Variants in HEXB observed in about 807,000 individuals in gnomAD.
HEXB encodes beta-hexosaminidase subunit beta.
In HEXB, 51 loss-of-function variants were observed where a neutral mutation model predicts 71.2. The ratio of observed to expected loss-of-function variants is 0.72; its 90% confidence interval spans 0.57 to 0.90. The LOEUF is 0.90. Among genes scored for constraint, HEXB ranks in the 40% least tolerant of loss-of-function variants. The pLI, the probability that HEXB is intolerant of heterozygous loss-of-function variation, is 0.00. For synonymous variants in HEXB, 266 were observed against 249.3 expected (o/e 1.07, Z -0.63); for missense variants, 617 against 677.0 (o/e 0.91, Z 0.98).
At chr5:74,710,560 T>C (rs1452754193) in intron 6 of HEXB, among the ~76,000 whole-genome samples, 4 of 152,236 alleles carry the variant, frequency 2.6e-5, no homozygotes, top group Admixed American at 2.0e-4. Flanking sequence ...GCCCAAAATC[T>C]CCTTAAGCTG....
chr5:74,685,087 G>C, upstream of HEXB: 3 of 662,222 alleles, frequency 4.5e-6, no homozygotes, highest in Non-Finnish European at 7.2e-6. Context: ...ACCTGGACAG[G>C]GCGGGCTGGG....
chr5:74,652,272 G>A lies in HEXB; in HGVS notation c.-377+11714G>A, dbSNP rs115773223. On this transcript the variant is annotated intron_variant, in intron 1 of 13. Coordinates refer to the HEXB transcript ENST00000511181. This position sits in a 1 kb window ranked among gnomAD's most constrained non-coding sequence, Gnocchi z 5.4. ...CATGAGGAAACAGGGGCAATGATGC[G>A]TTTGAACTTGTGCAAGAATCCAGTT... Among the ~76,000 whole-genome samples the A allele has an allele frequency of 0.058, 8,756 of 152,224 alleles. 289 individuals carry two copies. Among genetic ancestry groups the A allele is most frequent in the South Asian group, 0.085 (410 of 4,822 alleles).
chr5:74,653,337 TATTA>T (rs1304106511), intron 1 of HEXB, among the ~76,000 whole-genome samples: 1 of 152,228 alleles, frequency 6.6e-6, no homozygotes, highest in Non-Finnish European at 1.5e-5. Flanking sequence ...ATTCAGTGAA[TATTA>T]AAACACTACA....
Position 74,641,105 on chromosome 5 carries a change from G to A in HEXB, c.-377+547G>A, listed in dbSNP as rs1415095353. On this transcript the variant is annotated intron_variant, in intron 1 of 13. Coordinates refer to the HEXB transcript ENST00000511181. The surrounding 1 kb of genome is among the most constrained non-coding windows in gnomAD (Gnocchi z 4.1). Reference sequence around the variant, plus strand: ...CGGATCTGAGGGACCCACCTTAGGGGAGCGCAGCCCGGGGCTGTGCGCTTG... The same window carrying A: ...CGGATCTGAGGGACCCACCTTAGGGAAGCGCAGCCCGGGGCTGTGCGCTTG... The A allele has an allele frequency of 6.6e-6, 1 of 152,262 alleles. No individual in the cohort carries two copies. The highest frequency in any genetic ancestry group is 1.9e-4 in the East Asian group (1 of 5,184). The allele number at this position is 152,262 out of a possible 1,614,324, so 9.4% of individuals were successfully genotyped here.
intron 5 of HEXB, among the ~76,000 whole-genome samples, chr5:74,698,983 G>A (rs1580384865): frequency 1.3e-5 from 2 of 151,804 alleles, no homozygotes; most frequent in South Asian, 2.1e-4. Context: ...TCAGGAGTTC[G>A]AGACCAGCCT....
At chr5:74,689,296 C>G in intron 1 of HEXB, 32 bp from the exon 2 acceptor site, 1 of 1,589,516 alleles carries the variant, frequency 6.3e-7, no homozygotes. Flanking sequence ...TAAAATCCTT[C>G]TAAAATGTGT....
intron 1 of HEXB, among the ~76,000 whole-genome samples, chr5:74,650,615 G>A (rs1748084529): frequency 2.0e-5 from 3 of 151,956 alleles, no homozygotes; most frequent in Admixed American, 6.6e-5. Context: ...TGCCGAATAT[G>A]AGGAAGTTTT....
chr5:74,661,773 T>C (rs919492170), intron 1 of HEXB, among the ~76,000 whole-genome samples: 1 of 152,168 alleles, frequency 6.6e-6, no homozygotes, highest in Non-Finnish European at 1.5e-5. Context: ...CAAAACAAAT[T>C]GAAAGATCAA....
intron 5 of HEXB, 141 bp downstream of exon 5, chr5:74,697,247 G>A: frequency 1.5e-6 from 1 of 655,980 alleles, no homozygotes; most frequent in South Asian, 1.7e-5. Context: ...AGTTCCTAGG[G>A]AAGTGTATTT....
At chr5:74,669,387 C>A (rs1748492329) in intron 1 of HEXB, among the ~76,000 whole-genome samples, 1 of 151,906 alleles carries the variant, frequency 6.6e-6, no homozygotes, top group African/African-American at 2.4e-5. Context: ...GATAAATATG[C>A]ACTTTCAATT....
rs115572204 is a variant in HEXB at position 74,679,525 on chromosome 5, G to A, written c.-376-9803G>A. On this transcript the variant is annotated intron_variant, in intron 1 of 13. Coordinates refer to the HEXB transcript ENST00000511181. The stretch of plus-strand genomic sequence containing the variant: ...TGCTAAAGGGAGGACTGTTGGCCAG[G>A]CGCGGTGGCTCATGCCTATAATTCC... Among the ~76,000 whole-genome samples the A allele has an allele frequency of 2.9e-3, 434 of 152,250 alleles. 5 individuals carry two copies. The highest frequency in any genetic ancestry group is 9.5e-3 in the African/African-American group (396 of 41,554).
intron 8 of HEXB, 140 bp from the exon 9 acceptor site, chr5:74,716,447 A>C: frequency 1.7e-6 from 1 of 581,082 alleles, no homozygotes; most frequent in Non-Finnish European, 3.1e-6. Context: ...CTTGTAATTA[A>C]GTTTTTAGGC....
At chr5:74,709,325 C>T (rs1471333683) in intron 6 of HEXB, among the ~76,000 whole-genome samples, 1 of 151,546 alleles carries the variant, frequency 6.6e-6, no homozygotes, top group Non-Finnish European at 1.5e-5. Context: ...CACTAAATGC[C>T]CACAAGAGAA....
At chr5:74,712,590 A>T (rs918922030) in intron 6 of HEXB, among the ~76,000 whole-genome samples, 2 of 152,074 alleles carry the variant, frequency 1.3e-5, no homozygotes, top group African/African-American at 4.8e-5. Context: ...TTCTTTTTTG[A>T]TCTACAGGTC....
At chr5:74,691,851 G>A (rs2112133297) in intron 2 of HEXB, among the ~76,000 whole-genome samples, 2 of 152,220 alleles carry the variant, frequency 1.3e-5, no homozygotes, top group South Asian at 4.2e-4. Context: ...ATACAGAATG[G>A]GCTAACTGAA....
intron 2 of HEXB, chr5:74,693,329 A>T: frequency 2.3e-6 from 1 of 441,172 alleles, no homozygotes. Flanking sequence ...TGGAGTTGAC[A>T]CCCAAATTCC....
rs779638668 is a variant in HEXB, at chr5:74,716,669, C to G, written c.1165C>G (p.Gln389Glu). 2 of 1,582,686 alleles carry G rather than the reference C, an allele frequency of 1.3e-6. No homozygotes were observed. The highest frequency in any genetic ancestry group is 2.7e-5 in the African/African-American group (2 of 74,242). ...TAAGAAACTAGAATCTTTCTACATT[C>G]AAAAGTAAGTTGTTTGAAAGCCTAT... The part of the protein sequence containing the change: ...DFKKLESFYI[Q>E]KVLDIIATIN... Residue 389 changes from glutamine to glutamate, a missense_variant, in exon 9 of 14, where the codon CAA becomes GAA. Transcript: ENST00000261416.
intron 9 of HEXB, among the ~76,000 whole-genome samples, chr5:74,717,017 C>T (rs1749687477): frequency 6.6e-6 from 1 of 152,056 alleles, no homozygotes; most frequent in African/African-American, 2.4e-5. Flanking sequence ...TGGTGAAATC[C>T]CATCTCTACT....
intron 6 of HEXB, among the ~76,000 whole-genome samples, chr5:74,708,085 G>T (rs527883249): frequency 1.3e-5 from 2 of 152,008 alleles, no homozygotes; most frequent in South Asian, 4.2e-4. Context: ...GACTAACAGC[G>T]GATCTCTCGG....
Sources: allele counts gnomAD v4.1 joint callset (sites outside exome capture counted in the v4.1 genomes callset), GRCh38; gene constraint gnomAD v4.1.1; non-coding constraint Gnocchi (gnomAD v3.1); transcripts MANE v1.5; gene names NCBI Gene and HGNC (gene_info 2026-07-23, HGNC 2026-07-21).